Variants in PRKG1 observed in about 807,000 individuals in gnomAD.
PRKG1 encodes the protein protein kinase cGMP-dependent 1.
Under a neutral mutation model 88.1 loss-of-function variants are expected in PRKG1, and 35 were observed. That is an observed-to-expected ratio of 0.40 (90% confidence interval 0.30 to 0.53). PRKG1 has a LOEUF of 0.53. Among genes scored for constraint, PRKG1 ranks in the 20% least tolerant of loss-of-function variants. PRKG1 has a pLI of 0.59. For synonymous variants in PRKG1, 303 were observed against 292.5 expected (o/e 1.04, Z -0.37); for missense variants, 540 against 839.8 (o/e 0.64, Z 4.41).
chr10:51,692,713 T>C (rs1359598713), intron 3 of PRKG1, among the ~76,000 whole-genome samples: 1 of 152,134 alleles, frequency 6.6e-6, no homozygotes, highest in African/African-American at 2.4e-5. Flanking sequence ...TGAACTCAAG[T>C]GATCCTTCTG....
intron 4 of PRKG1, among the ~76,000 whole-genome samples, chr10:51,866,668 A>G (rs754307715): frequency 2.1e-4 from 32 of 152,136 alleles, no homozygotes; most frequent in Admixed American, 4.6e-4. Flanking sequence ...AAACATCTTC[A>G]CTTTTGTAAT....
At chr10:51,835,365 T>C (rs1840106545) in intron 4 of PRKG1, among the ~76,000 whole-genome samples, 1 of 152,170 alleles carries the variant, frequency 6.6e-6, no homozygotes, top group South Asian at 2.1e-4. Flanking sequence ...AAAGAGCACA[T>C]CTCTGAAGGG....
chr10:52,116,390 CTA>C (rs1444301188), intron 7 of PRKG1, among the ~76,000 whole-genome samples: 3 of 152,124 alleles, frequency 2.0e-5, no homozygotes, highest in Non-Finnish European at 4.4e-5. Context: ...CAACCCTACT[CTA>C]TTACATGAAT....
At chr10:51,469,496 T>C (rs755031864) in intron 3 of PRKG1, among the ~76,000 whole-genome samples, 2 of 151,886 alleles carry the variant, frequency 1.3e-5, no homozygotes, top group African/African-American at 2.4e-5. Flanking sequence ...CAAAGATTTT[T>C]AATGAAATGA....
chr10:52,021,644 A>G (rs889359713), intron 5 of PRKG1, among the ~76,000 whole-genome samples: 2 of 152,182 alleles, frequency 1.3e-5, no homozygotes, highest in Admixed American at 6.5e-5. Flanking sequence ...GGATGGATGC[A>G]TGGATACCTA....
At chr10:51,737,726 TTTATTTATTTATTAA>T (rs1277050915) in intron 3 of PRKG1, among the ~76,000 whole-genome samples, 2 of 112,080 alleles carry the variant, frequency 1.8e-5, no homozygotes, top group African/African-American at 7.9e-5. Flanking sequence ...TATTTATTTA[TTTATTTATTTATTAA>T]TTATTATTAT....
chr10:52,245,086 A>C (rs1840989979), intron 9 of PRKG1, among the ~76,000 whole-genome samples: 1 of 151,156 alleles, frequency 6.6e-6, no homozygotes, highest in Admixed American at 6.6e-5. Flanking sequence ...AATCAGGAAC[A>C]ATTATCACAT....
intron 2 of PRKG1, among the ~76,000 whole-genome samples, chr10:51,350,417 A>C (rs1465110520): frequency 6.6e-6 from 1 of 152,188 alleles, no homozygotes; most frequent in African/African-American, 2.4e-5. Context: ...CTCACATTCT[A>C]TATGGAATGA....
At chr10:51,331,989 C>G (rs1041161572) in intron 2 of PRKG1, among the ~76,000 whole-genome samples, 9 of 152,088 alleles carry the variant, frequency 5.9e-5, no homozygotes, top group African/African-American at 2.2e-4. Flanking sequence ...GAACAAGGTA[C>G]TCTCATAAAT....
chr10:51,638,316 A>T lies in PRKG1; in HGVS notation c.593-166269A>T, dbSNP rs1839710098. On this transcript the variant is annotated intron_variant, in intron 3 of 17. Coordinates refer to ENST00000373980, the MANE Select transcript of PRKG1 (RefSeq NM_006258.4). The stretch of plus-strand genomic sequence containing the variant: ...TTATTTTGAAGTCACAGCCGTAAAG[A>T]CACACTCCAAGCAATTCTCACAGTG... 2.0e-5 allele frequency among the ~76,000 whole-genome samples: 3 copies of T among 152,200 alleles called. No homozygotes were observed. In the South Asian group the frequency reaches 6.2e-4, roughly 31 times the overall value.
At chr10:51,434,953 G>A (rs1055328124) in intron 2 of PRKG1, among the ~76,000 whole-genome samples, 1 of 152,070 alleles carries the variant, frequency 6.6e-6, no homozygotes, top group African/African-American at 2.4e-5. Context: ...ACAGACTGTT[G>A]TAAGATATTT....
rs143271170 is a variant in PRKG1, at chr10:51,353,976, A to G, written c.479-113747A>G. 2.6e-5 allele frequency among the ~76,000 whole-genome samples: 4 copies of G among 152,314 alleles called. No homozygotes were observed. In the East Asian group the frequency reaches 7.7e-4, roughly 29 times the overall value. On this transcript the variant is annotated intron_variant, in intron 2 of 17. Transcript: ENST00000373980. ...AACTATTCCACCATAAAAAGGAATG[A>G]GATCCAGTCATTTACAACAACATGG...
At chr10:51,083,421 T>C (rs1036450371) in intron 1 of PRKG1, among the ~76,000 whole-genome samples, 2 of 152,116 alleles carry the variant, frequency 1.3e-5, no homozygotes, top group African/African-American at 4.8e-5. Flanking sequence ...CAATGCTAAG[T>C]TGAAGGTGAA....
chr10:52,031,640 A>G (rs1845476821), intron 5 of PRKG1, among the ~76,000 whole-genome samples: 1 of 152,216 alleles, frequency 6.6e-6, no homozygotes, highest in African/African-American at 2.4e-5. Context: ...AATTTAACAA[A>G]TATTTGGTTA....
intron 3 of PRKG1, among the ~76,000 whole-genome samples, chr10:51,644,273 G>C (rs1331520591): frequency 6.6e-6 from 1 of 152,046 alleles, no homozygotes; most frequent in Non-Finnish European, 1.5e-5. Context: ...TTGTGTTTTT[G>C]TTCTTGTTTT....
At chr10:51,532,750 T>C (rs1403042890) in intron 3 of PRKG1, among the ~76,000 whole-genome samples, 2 of 152,192 alleles carry the variant, frequency 1.3e-5, no homozygotes, top group African/African-American at 2.4e-5. Flanking sequence ...ATCTTATCCC[T>C]GGCCATTCCT....
intron 2 of PRKG1, among the ~76,000 whole-genome samples, chr10:51,335,169 C>T (rs1402607319): frequency 5.3e-5 from 8 of 151,676 alleles, no homozygotes; most frequent in African/African-American, 1.7e-4. Flanking sequence ...CCCACCACCA[C>T]GCCTGGCTAA....
chr10:51,770,665 G>A (rs749007233), intron 3 of PRKG1, among the ~76,000 whole-genome samples: 18 of 152,262 alleles, frequency 1.2e-4, no homozygotes, highest in East Asian at 7.7e-4. Flanking sequence ...TGTGAACTGC[G>A]CATGTGAGGG....
chr10:51,930,601 G>A (rs61847456), intron 5 of PRKG1, among the ~76,000 whole-genome samples: 3,878 of 142,266 alleles, frequency 0.027, 72 homozygotes, highest in South Asian at 0.065. Flanking sequence ...AGTGATTCTC[G>A]TGCCTCAGCC....
Sources: gnomAD v4.1 joint callset for allele counts (sites outside exome capture counted in the v4.1 genomes callset) on GRCh38, gnomAD v4.1.1 for gene constraint, MANE v1.5 for transcripts, NCBI Gene and HGNC (gene_info 2026-07-23, HGNC 2026-07-21) for gene names.